TYW1: variants seen among roughly 807,000 people sequenced by gnomAD.
TYW1 encodes the protein tRNA-yW synthesizing protein 1 homolog, also known as S-adenosyl-L-methionine-dependent tRNA 4-demethylwyosine synthase TYW1.
TYW1 carries 46 observed loss-of-function variants against 96.2 expected under a neutral mutation model. That is an observed-to-expected ratio of 0.48 (90% CI 0.38 to 0.61). The LOEUF (loss-of-function observed/expected upper bound fraction) is 0.61, where lower values mean the gene tolerates loss of function less well. Among genes scored for constraint, TYW1 ranks in the 20% least tolerant of loss-of-function variants. The pLI is 0.00. For synonymous variants in TYW1, 274 were observed against 323.0 expected (o/e 0.85, Z 1.63); for missense variants, 684 against 909.6 (o/e 0.75, Z 3.19).
At chr7:67,063,544 C>A (rs1215825066) in intron 9 of TYW1, among the ~76,000 whole-genome samples, 1 of 145,726 alleles carries the variant, frequency 6.9e-6, no homozygotes, top group Admixed American at 6.8e-5. Flanking sequence ...AATAAATTTC[C>A]TAGAACCTGA....
chr7:67,182,320 C>T (rs990179689), intron 13 of TYW1, among the ~76,000 whole-genome samples: 65 of 152,238 alleles, frequency 4.3e-4, no homozygotes, highest in Non-Finnish European at 8.5e-4. Flanking sequence ...CCCAGCCCTT[C>T]GGAAGCCTCA....
At chr7:67,058,859 A>C (rs1039022862) in intron 9 of TYW1, among the ~76,000 whole-genome samples, 1 of 152,038 alleles carries the variant, frequency 6.6e-6, no homozygotes, top group Non-Finnish European at 1.5e-5. Flanking sequence ...AAAGGTTAAG[A>C]TTTATCCCAC....
At chr7:67,087,426 A>G (rs1053306884) in intron 11 of TYW1, among the ~76,000 whole-genome samples, 7 of 152,216 alleles carry the variant, frequency 4.6e-5, no homozygotes, top group African/African-American at 1.7e-4. Flanking sequence ...GCAGGATAGC[A>G]GAGAGAAAGA....
intron 11 of TYW1, among the ~76,000 whole-genome samples, chr7:67,095,072 C>G (rs1320736001): frequency 6.6e-6 from 1 of 151,784 alleles, no homozygotes; most frequent in Non-Finnish European, 1.5e-5. Context: ...AGTCTCAGCT[C>G]ACTGCAACCT....
intron 7 of TYW1, among the ~76,000 whole-genome samples, chr7:67,033,420 C>T (rs976332338): frequency 6.6e-6 from 1 of 152,188 alleles, no homozygotes; most frequent in Admixed American, 6.6e-5. Flanking sequence ...ATGCAAGTAG[C>T]TGATCCGTTT....
chr7:67,060,327 T>A (rs892995265), intron 9 of TYW1, among the ~76,000 whole-genome samples: 3 of 152,238 alleles, frequency 2.0e-5, no homozygotes, highest in African/African-American at 4.8e-5. Context: ...CCGTCCGCCT[T>A]GGCCTCCCAA....
intron 8 of TYW1, among the ~76,000 whole-genome samples, chr7:67,050,383 T>C (rs1795316906): frequency 6.6e-6 from 1 of 152,294 alleles, no homozygotes; most frequent in South Asian, 2.1e-4. Context: ...ATTAGAAGTG[T>C]TTATGTAGAG....
Position 67,183,136 on chromosome 7 carries a change from C to G in TYW1, c.1709C>G (p.Thr570Ser). Residue 570 changes from threonine to serine, a missense_variant, in exon 14 of 16, where the codon ACT becomes AGT. Physicochemically the swap from Thr to Ser is moderately conservative, Grantham distance 58. Coordinates refer to ENST00000359626, the MANE Select transcript of TYW1 (RefSeq NM_018264.4). ...LKALAVKQQR[T>S]VYRLTLVKAW... The stretch of plus-strand genomic sequence containing the variant: ...TTTCCTTTGTTTTAGCAACAACGAA[C>G]TGTCTACAGACTGACGCTCGTGAAA... 1 of 1,607,460 alleles carries G rather than the reference C, an allele frequency of 6.2e-7. No homozygotes were observed. The highest frequency in any genetic ancestry group is 1.3e-5 in the African/African-American group (1 of 74,686).
chr7:67,122,385 G>A (rs1311476469), intron 13 of TYW1, among the ~76,000 whole-genome samples: 1 of 152,116 alleles, frequency 6.6e-6, no homozygotes, highest in Non-Finnish European at 1.5e-5. Context: ...ACCAATTTAT[G>A]TATGTGGCCA....
At chr7:67,154,203 T>C (rs1798895537) in intron 13 of TYW1, among the ~76,000 whole-genome samples, 1 of 152,226 alleles carries the variant, frequency 6.6e-6, no homozygotes, top group Non-Finnish European at 1.5e-5. Context: ...ATTACAGTTG[T>C]GAGCCACCGC....
chr7:67,022,201 C>G (rs1794301947), intron 6 of TYW1, among the ~76,000 whole-genome samples: 1 of 152,362 alleles, frequency 6.6e-6, no homozygotes, highest in South Asian at 2.1e-4. Context: ...GTGTGAGCCA[C>G]TGCACCCAGC....
At chr7:67,189,213 C>G (rs990814905) in intron 14 of TYW1, among the ~76,000 whole-genome samples, 1 of 152,102 alleles carries the variant, frequency 6.6e-6, no homozygotes, top group African/African-American at 2.4e-5. Flanking sequence ...TCAGGAAGGG[C>G]GACTGTAAAT....
At chr7:67,141,042 C>T (rs1294051943) in intron 13 of TYW1, among the ~76,000 whole-genome samples, 2 of 152,196 alleles carry the variant, frequency 1.3e-5, no homozygotes, top group Admixed American at 1.3e-4. Context: ...GGAATAATAA[C>T]CTAGAAAGCT....
intron 12 of TYW1, among the ~76,000 whole-genome samples, chr7:67,104,422 T>C (rs951173996): frequency 6.6e-6 from 1 of 152,132 alleles, no homozygotes; most frequent in African/African-American, 2.4e-5. Context: ...TTACACACTT[T>C]TAAACAACCA....
intron 13 of TYW1, among the ~76,000 whole-genome samples, chr7:67,177,019 A>C (rs1799693692): frequency 6.6e-6 from 1 of 152,230 alleles, no homozygotes; most frequent in Admixed American, 6.5e-5. Context: ...TTGGATATCA[A>C]GTCTTAGTGT....
intron 9 of TYW1, among the ~76,000 whole-genome samples, chr7:67,066,035 ACACC>A (rs1433721172): frequency 1.6e-5 from 2 of 127,126 alleles, no homozygotes; most frequent in Admixed American, 7.8e-5. Context: ...ACACACACCC[ACACC>A]CCTATACACG....
Position 67,208,650 on chromosome 7 carries a change from A to C in TYW1, c.1977+13313A>C, listed in dbSNP as rs902171844. ...GGTTGCAGTGAGCCGAGATCGCGCC[A>C]CTGCACTCTAGCCAGGGCAACAGAG... On this transcript the variant is annotated intron_variant, in intron 15 of 15. Coordinates refer to ENST00000359626, the MANE Select transcript of TYW1 (RefSeq NM_018264.4). Among the ~76,000 whole-genome samples the C allele has an allele frequency of 8.1e-5, 12 of 148,342 alleles. No homozygotes were observed. In the Admixed American group the frequency reaches 8.2e-4, roughly 10 times the overall value.
At chr7:67,032,482 A>C (rs1171106577) in intron 7 of TYW1, among the ~76,000 whole-genome samples, 2 of 152,112 alleles carry the variant, frequency 1.3e-5, no homozygotes, top group Non-Finnish European at 2.9e-5. Flanking sequence ...AAAATTAGCC[A>C]GATGTGATGG....
At chr7:67,230,611 C>T (rs1801721451) in intron 15 of TYW1, among the ~76,000 whole-genome samples, 1 of 150,700 alleles carries the variant, frequency 6.6e-6, no homozygotes, top group Admixed American at 6.6e-5. Flanking sequence ...TATATTGCTG[C>T]TCGCCCCTGC....
Sources: allele counts gnomAD v4.1 joint callset (sites outside exome capture counted in the v4.1 genomes callset), GRCh38; gene constraint gnomAD v4.1.1; transcripts MANE v1.5; gene names NCBI Gene and HGNC (gene_info 2026-07-23, HGNC 2026-07-21).